GPC6: variants seen among roughly 807,000 people sequenced by gnomAD.
GPC6 encodes glypican 6, also known as glypican-6.
Under a neutral mutation model 55.2 loss-of-function variants are expected in GPC6, and 14 were observed. The observed-to-expected ratio is 0.25, with a 90% CI of 0.17 to 0.40. GPC6 has a LOEUF of 0.40. Among genes scored for constraint, GPC6 ranks in the 10% least tolerant of loss-of-function variants. The pLI is 1.00. For synonymous variants in GPC6, 278 were observed against 259.6 expected (o/e 1.07, Z -0.68); for missense variants, 641 against 708.5 (o/e 0.90, Z 1.08).
intron 2 of GPC6, among the ~76,000 whole-genome samples, chr13:93,669,347 C>T (rs565865733): frequency 7.2e-5 from 11 of 152,218 alleles, no homozygotes; most frequent in East Asian, 1.9e-4. Context: ...TTGTGAGAAA[C>T]GGGAAGTCCA....
At chr13:93,748,543 T>C (rs1884477201) in intron 2 of GPC6, among the ~76,000 whole-genome samples, 1 of 152,138 alleles carries the variant, frequency 6.6e-6, no homozygotes, top group South Asian at 2.1e-4. Flanking sequence ...TAAGTTTTTA[T>C]AAATGACAAG....
intron 2 of GPC6, among the ~76,000 whole-genome samples, chr13:93,724,139 C>T (rs971488557): frequency 1.3e-5 from 2 of 151,686 alleles, no homozygotes; most frequent in Non-Finnish European, 2.9e-5. Flanking sequence ...TAAGCTTTTA[C>T]CGATGGTACT....
At chr13:93,574,884 A>G (rs1184122063) in intron 2 of GPC6, among the ~76,000 whole-genome samples, 1 of 152,226 alleles carries the variant, frequency 6.6e-6, no homozygotes, top group East Asian at 1.9e-4. Context: ...CATCCATATC[A>G]GACTTTTATT....
intron 2 of GPC6, among the ~76,000 whole-genome samples, chr13:93,712,624 G>A (rs1247536507): frequency 6.6e-6 from 1 of 151,524 alleles, no homozygotes; most frequent in Non-Finnish European, 1.5e-5. Flanking sequence ...AATAATTTTT[G>A]GGGAGTCCTA....
intron 4 of GPC6, among the ~76,000 whole-genome samples, chr13:94,225,685 AT>A: frequency 6.6e-6 from 1 of 151,172 alleles, no homozygotes; most frequent in East Asian, 1.9e-4. Context: ...ATATATATAT[AT>A]ATAAACTGTA....
chr13:93,947,409 G>T (rs566380251), intron 3 of GPC6, among the ~76,000 whole-genome samples: 9 of 152,276 alleles, frequency 5.9e-5, no homozygotes, highest in African/African-American at 2.2e-4. Flanking sequence ...ATATTTCATT[G>T]ACTTCTGATA....
chr13:93,787,353 A>G (rs1885845458), intron 2 of GPC6, among the ~76,000 whole-genome samples: 1 of 152,232 alleles, frequency 6.6e-6, no homozygotes, highest in Non-Finnish European at 1.5e-5. Context: ...CCATTAAAGC[A>G]TGAAAGCAGC....
chr13:93,267,533 C>T (rs1877365565), intron 1 of GPC6, among the ~76,000 whole-genome samples: 1 of 152,006 alleles, frequency 6.6e-6, no homozygotes. Flanking sequence ...TTCCTTTGCC[C>T]TTACCTTTGA....
intron 2 of GPC6, among the ~76,000 whole-genome samples, chr13:93,723,175 C>T (rs1883508917): frequency 6.6e-6 from 1 of 151,884 alleles, no homozygotes; most frequent in Admixed American, 6.6e-5. Flanking sequence ...CCTCTTTTAC[C>T]TACCAACAGT....
intron 2 of GPC6, among the ~76,000 whole-genome samples, chr13:93,765,151 T>A (rs528226197): frequency 1.8e-5 from 2 of 110,880 alleles, no homozygotes; most frequent in South Asian, 5.6e-4. Context: ...TCCATTTAGA[T>A]ATACCTAGAT....
intron 1 of GPC6, among the ~76,000 whole-genome samples, chr13:93,283,826 C>T (rs1426446673): frequency 6.6e-6 from 1 of 152,192 alleles, no homozygotes; most frequent in Non-Finnish European, 1.5e-5. Flanking sequence ...TGATATTTCT[C>T]TTCACTTGAT....
At chr13:93,976,903 C>T (rs915881510) in intron 3 of GPC6, among the ~76,000 whole-genome samples, 2 of 151,982 alleles carry the variant, frequency 1.3e-5, no homozygotes, top group African/African-American at 2.4e-5. Flanking sequence ...CGTTTATTCC[C>T]TAAATCAGAA....
At chr13:94,327,546 C>T (rs373916612) in intron 6 of GPC6, among the ~76,000 whole-genome samples, 1 of 152,152 alleles carries the variant, frequency 6.6e-6, no homozygotes. Flanking sequence ...GACAGCAAAA[C>T]ATTCTAAAAA....
chr13:93,596,622 T>A (rs1364007225), intron 2 of GPC6, among the ~76,000 whole-genome samples: 388 of 146,102 alleles, frequency 2.7e-3, no homozygotes, highest in African/African-American at 9.1e-3. Flanking sequence ...TATATATATA[T>A]ATATATATAT....
At chr13:94,081,820 A>C (rs528145131) in intron 4 of GPC6, among the ~76,000 whole-genome samples, 1 of 147,822 alleles carries the variant, frequency 6.8e-6, no homozygotes, top group East Asian at 2.0e-4. Flanking sequence ...CAACTACTCC[A>C]TGTCTATGCC....
chr13:93,793,369 C>T (rs1326156750), intron 2 of GPC6, among the ~76,000 whole-genome samples: 2 of 152,186 alleles, frequency 1.3e-5, no homozygotes. Context: ...ACTATTCATG[C>T]TCTCTGAGTG....
intron 1 of GPC6, among the ~76,000 whole-genome samples, chr13:93,462,786 T>C (rs1048807617): frequency 6.6e-6 from 1 of 151,978 alleles, no homozygotes; most frequent in African/African-American, 2.4e-5. Context: ...TCAAGCCTAC[T>C]GTGTATATAA....
chr13:94,120,233 G>T (rs1304591671), intron 4 of GPC6, among the ~76,000 whole-genome samples: 1 of 152,052 alleles, frequency 6.6e-6, no homozygotes, highest in African/African-American at 2.4e-5. Flanking sequence ...TAGAAGGATC[G>T]CAGTGCTGTT....
At chr13:93,612,686 C>A (rs2139542671) in intron 2 of GPC6, among the ~76,000 whole-genome samples, 1 of 151,968 alleles carries the variant, frequency 6.6e-6, no homozygotes, top group East Asian at 1.9e-4. Flanking sequence ...TGCAAAACTG[C>A]AATGAATATA....
Sources: gnomAD v4.1 joint callset for allele counts (sites outside exome capture counted in the v4.1 genomes callset) on GRCh38, gnomAD v4.1.1 for gene constraint, MANE v1.5 for transcripts, NCBI Gene and HGNC (gene_info 2026-07-23, HGNC 2026-07-21) for gene names.